The following ADAM30 variants were observed in gnomAD, a reference collection of about 807,000 sequenced individuals.
The protein encoded by ADAM30 is disintegrin and metalloproteinase domain-containing protein 30.
For synonymous variants in ADAM30, 382 were observed against 340.9 expected (o/e 1.12, Z -1.33); for missense variants, 960 against 959.4 (o/e 1.00, Z -0.01).
At position 119,895,666 on chromosome 1, in the gene ADAM30, G is replaced by C. The variant is rs201439972; in HGVS notation, c.671C>G (p.Ser224Cys). ...SRYRFVNNNL[S>C]QVIHDAILLT... ...AAGAATGGCATCATGTATGACTTGA[G>C]AAAGATTGTTGTTCACAAACCTATA... Residue 224 changes from serine to cysteine, a missense_variant, in exon 1 of 1, where the codon TCT becomes TGT. Transcript: ENST00000369400. 2.6e-4 allele frequency: 422 copies of C among 1,614,026 alleles called. No homozygotes were observed. The highest frequency in any genetic ancestry group is 3.5e-4 in the Non-Finnish European group (409 of 1,180,048).
Position 119,895,221 on chromosome 1 carries a change from A to G in ADAM30, c.1116T>C (p.Asn372=), listed in dbSNP as rs1648546425. ...IMGSGRTGFS[N]CSYISFFKHI... ...GTTTAAAAAAAGAGATATAACTGCA[A>G]TTGCTAAACCCAGTGCGTCCTGAGC... Residue 372 remains asparagine (N), a synonymous_variant, in exon 1 of 1, where the codon AAT becomes AAC. Transcript: ENST00000369400. The G allele has an allele frequency of 6.2e-7, 1 of 1,614,178 alleles. No homozygotes were observed. Among genetic ancestry groups the G allele is most frequent in the Non-Finnish European group, 8.5e-7 (1 of 1,180,018 alleles).
At position 119,896,397 on chromosome 1, in the gene ADAM30, T is replaced by A. The variant is rs1327459192; in HGVS notation, c.-61A>T. 1.0e-5 allele frequency: 15 copies of A among 1,465,170 alleles called. No homozygotes were observed. Among genetic ancestry groups the A allele is most frequent in the Non-Finnish European group, 1.4e-5 (15 of 1,108,386 alleles). 90.8% of individuals were successfully genotyped at this position (1,465,170 alleles called of 1,614,324 possible). On this transcript the variant is annotated 5_prime_UTR_variant, in exon 1 of 1. Transcript: ENST00000369400. ...GTCCCTGCAACTCTGGCCTCGCGAG[T>A]CAGATTTCTGGGGGCCGCCGCTAGA...
chr1:119,894,448 T>C lies in ADAM30; in HGVS notation c.1889A>G (p.Gln630Arg), dbSNP rs939878871. Residue 630 changes from glutamine (Q) to arginine (R), a missense_variant, in exon 1 of 1, where the codon CAG becomes CGG. Transcript: ENST00000369400. ...GCATTTCTCAGGCAAACAGTCAAAC[T>C]GCAGGACTGAGCTATTGACGCAATT... is the stretch of plus-strand genomic sequence containing the variant. ...KKNCVNSSVL[Q>R]FDCLPEKCNT... is the part of the protein sequence containing the mutation. 1.9e-6 allele frequency: 3 copies of C among 1,614,220 alleles called. No homozygotes were observed. The highest frequency in any genetic ancestry group is 2.5e-6 in the Non-Finnish European group (3 of 1,180,038).
chr1:119,894,159 G>A lies in ADAM30; in HGVS notation c.2178C>T (p.Ser726=). 1 of 1,613,140 alleles carries A rather than the reference G, an allele frequency of 6.2e-7. No individual in the cohort carries two copies. Among genetic ancestry groups the A allele is most frequent in the East Asian group, 2.2e-5 (1 of 44,880 alleles). ...ATTCTTCCTGTTCAGTTTTTGCTTT[G>A]GATAGTGGCATTTTTTCCTGTTTGG... The part of the protein sequence containing the change: ...LKPKQEKMPL[S]KAKTEQEESK... The change falls in exon 1 of 1, where the codon TCC becomes TCT. Residue 726 remains serine (S), a synonymous_variant. Transcript: ENST00000369400.
Position 119,896,082 on chromosome 1 carries a change from G to T in ADAM30, c.255C>A (p.Pro85=), listed in dbSNP as rs1648580400. The part of the protein sequence containing the change: ...LHLWPKRLLL[P]RHLRVFSFTE... Reference sequence around the variant, plus strand: ...TGAAGGAGAAAACGCGCAGATGTCGGGGCAACAGAAGTCTCTTGGGCCACA... The same window carrying T: ...TGAAGGAGAAAACGCGCAGATGTCGTGGCAACAGAAGTCTCTTGGGCCACA... Residue 85 remains proline (P), a synonymous_variant, in exon 1 of 1, where the codon CCC becomes CCA. Transcript: ENST00000369400. 1 of 1,613,940 alleles carries T rather than the reference G, an allele frequency of 6.2e-7. No individual in the cohort carries two copies. Among genetic ancestry groups the T allele is most frequent in the African/African-American group, 1.3e-5 (1 of 74,866 alleles).
chr1:119,896,471 C>G lies in ADAM30; in HGVS notation c.-135G>C. On this transcript the variant is annotated 5_prime_UTR_variant, in exon 1 of 1. Transcript: ENST00000369400. ...TCCCCTGGCAGGGTTTCCGGGGGAGCCCGTAGCCTCCCAGGGCTCGGTCTA... is the reference window on the plus strand; with the variant it reads ...TCCCCTGGCAGGGTTTCCGGGGGAGGCCGTAGCCTCCCAGGGCTCGGTCTA... 3 of 1,368,800 alleles carry G rather than the reference C, an allele frequency of 2.2e-6. No homozygotes were observed. The highest frequency in any genetic ancestry group is 2.9e-6 in the Non-Finnish European group (3 of 1,045,954). 84.8% of individuals were successfully genotyped at this position (1,368,800 alleles called of 1,614,324 possible). A position where few individuals can be genotyped will look rare whatever the true frequency, so the allele number is the denominator to read the frequency against.
At position 119,894,189 on chromosome 1, in the gene ADAM30, T is replaced by G; in HGVS notation, c.2148A>C (p.Leu716Phe). 1 of 1,613,516 alleles carries G rather than the reference T, an allele frequency of 6.2e-7. No individual in the cohort carries two copies. The highest frequency in any genetic ancestry group is 8.5e-7 in the Non-Finnish European group (1 of 1,179,926). The part of the protein sequence containing the change: ...VFFRQVIGNH[L>F]KPKQEKMPLS... The stretch of plus-strand genomic sequence containing the variant: ...GTGGCATTTTTTCCTGTTTGGGTTT[T>G]AAGTGGTTTCCTATCACTTGCCGGA... Residue 716 changes from leucine (L) to phenylalanine (F), a missense_variant, in exon 1 of 1, where the codon TTA becomes TTC. Coordinates refer to ENST00000369400, the MANE Select transcript of ADAM30 (RefSeq NM_021794.4).
At position 119,896,268 on chromosome 1, in the gene ADAM30, A is replaced by G; in HGVS notation, c.69T>C (p.Leu23=). 6.2e-7 allele frequency: 1 copy of G among 1,613,140 alleles called. No individual in the cohort carries two copies. ...AAATTACATCTTCGCCAAGAGACTT[A>G]AGGAGCATTGTCGGAACTAGTAGAA... is the stretch of plus-strand genomic sequence containing the variant. ...LLLLLVPTML[L]KSLGEDVIFH... Residue 23 remains leucine (L), a synonymous_variant, in exon 1 of 1, where the codon CTT becomes CTC. Transcript: ENST00000369400.
At position 119,896,458 on chromosome 1, in the gene ADAM30, G is replaced by A. The variant is rs1476155352; in HGVS notation, c.-122C>T. On this transcript the variant is annotated 5_prime_UTR_variant, in exon 1 of 1. Coordinates refer to ENST00000369400, the MANE Select transcript of ADAM30 (RefSeq NM_021794.4). ...CTCAAAACCCGGCTCCCCTGGCAGGGTTTCCGGGGGAGCCCGTAGCCTCCC... is the reference window on the plus strand; with the variant it reads ...CTCAAAACCCGGCTCCCCTGGCAGGATTTCCGGGGGAGCCCGTAGCCTCCC... 7.1e-7 allele frequency: 1 copy of A among 1,407,008 alleles called. No individual in the cohort carries two copies. Among genetic ancestry groups the A allele is most frequent in the Non-Finnish European group, 9.3e-7 (1 of 1,076,698 alleles). 87.2% of individuals were successfully genotyped at this position (1,407,008 alleles called of 1,614,324 possible).
In ADAM30 at chr1:119,896,182, C is replaced by G. The variant is rs761413158; in HGVS notation, c.155G>C (p.Arg52Pro). 1.2e-6 allele frequency: 2 copies of G among 1,614,162 alleles called. No individual in the cohort carries two copies. Among genetic ancestry groups the G allele is most frequent in the Non-Finnish European group, 1.7e-6 (2 of 1,180,014 alleles). Residue 52 changes from arginine to proline, a missense_variant, in exon 1 of 1, where the codon CGG becomes CCG. Coordinates refer to ENST00000369400, the MANE Select transcript of ADAM30 (RefSeq NM_021794.4). ...ACTGACCACACCCTGCACCTCTCCC[C>G]GGAAGCTCAGCTTCTCAGGAATGGT... is the stretch of plus-strand genomic sequence containing the variant. ...EVTIPEKLSF[R>P]GEVQGVVSPV...
Position 119,893,939 on chromosome 1 carries a change from T to G in ADAM30, c.*25A>C. On this transcript the variant is annotated 3_prime_UTR_variant, in exon 1 of 1. Coordinates refer to ENST00000369400, the MANE Select transcript of ADAM30 (RefSeq NM_021794.4). ...GCTGGTTAAATAAATGAGCCTGTGT[T>G]ACTGAATGAGTATGGATTGCCCGGT... is the stretch of plus-strand genomic sequence containing the variant. The G allele has an allele frequency of 6.3e-7, 1 of 1,584,106 alleles. No individual in the cohort carries two copies. The highest frequency in any genetic ancestry group is 8.5e-7 in the Non-Finnish European group (1 of 1,170,400).
Position 119,896,191 on chromosome 1 carries a change from A to T in ADAM30, c.146T>A (p.Leu49Gln). 1 of 1,614,206 alleles carries T rather than the reference A, an allele frequency of 6.2e-7. No individual in the cohort carries two copies. Among genetic ancestry groups the T allele is most frequent in the Non-Finnish European group, 8.5e-7 (1 of 1,180,034 alleles). Residue 49 changes from leucine (L) to glutamine (Q), a missense_variant, in exon 1 of 1, where the codon CTG becomes CAG. Transcript: ENST00000369400. ...ACCCTGCACCTCTCCCCGGAAGCTC[A>T]GCTTCTCAGGAATGGTGACTTCATA... Reference protein sequence around the residue: ...DSYEVTIPEKLSFRGEVQGVV... With the variant: ...DSYEVTIPEKQSFRGEVQGVV...
In ADAM30 at chr1:119,895,662, T is replaced by A; in HGVS notation, c.675A>T (p.Gln225His). 1.2e-6 allele frequency: 2 copies of A among 1,614,142 alleles called. No homozygotes were observed. The highest frequency in any genetic ancestry group is 2.2e-5 in the South Asian group (2 of 91,076). ...RYRFVNNNLS[Q>H]VIHDAILLTG... ...TCAAAAGAATGGCATCATGTATGAC[T>A]TGAGAAAGATTGTTGTTCACAAACC... Residue 225 changes from glutamine to histidine, a missense_variant, in exon 1 of 1, where the codon CAA becomes CAT. By Grantham distance (24) the Gln-to-His change is conservative (BLOSUM62 0). Transcript: ENST00000369400.
Position 119,895,840 on chromosome 1 carries a change from T to C in ADAM30, c.497A>G (p.Gln166Arg), listed in dbSNP as rs761151761. The change falls in exon 1 of 1, where the codon CAG becomes CGG. Residue 166 changes from glutamine to arginine, a missense_variant. Gln to Arg is a conservative substitution (Grantham distance 43). Transcript: ENST00000369400. The part of the protein sequence containing the change: ...EHVVYLLKKE[Q>R]FGNQVCGLSD... ...TAAGCCACAAACCTGATTCCCAAACTGCTCTTTCTTCAGGAGATAGACGAC... is the reference window on the plus strand; with the variant it reads ...TAAGCCACAAACCTGATTCCCAAACCGCTCTTTCTTCAGGAGATAGACGAC... The C allele has an allele frequency of 6.8e-6, 11 of 1,614,060 alleles. No individual in the cohort carries two copies. Among genetic ancestry groups the C allele is most frequent in the Non-Finnish European group, 9.3e-6 (11 of 1,180,030 alleles).
Position 119,895,056 on chromosome 1 carries a change from G to T in ADAM30, c.1281C>A (p.Cys427Ter), listed in dbSNP as rs1471387212. The T allele has an allele frequency of 1.2e-6, 2 of 1,613,972 alleles. No individual in the cohort carries two copies. Among genetic ancestry groups the T allele is most frequent in the Non-Finnish European group, 1.7e-6 (2 of 1,180,032 alleles). ...CTGGTTGCAACTTACAATTTGATTG[G>T]CAACACCGATCTTTCTGACACTCCT... ...STEECQKDRC[C>*]QSNCKLQPGA... Residue 427 changes from cysteine to a stop codon, truncating the protein, a stop_gained, in exon 1 of 1, where the codon TGC (cysteine) becomes TGA (stop). Coordinates refer to ENST00000369400, the MANE Select transcript of ADAM30 (RefSeq NM_021794.4). LOFTEE classifies it low-confidence loss of function (END_TRUNC).
Position 119,894,595 on chromosome 1 carries a change from G to C in ADAM30, c.1742C>G (p.Ala581Gly). 1 of 1,614,108 alleles carries C rather than the reference G, an allele frequency of 6.2e-7. No individual in the cohort carries two copies. The highest frequency in any genetic ancestry group is 8.5e-7 in the Non-Finnish European group (1 of 1,180,032). The change falls in exon 1 of 1, where the codon GCA (alanine) becomes GGA (glycine). Residue 581 changes from alanine (A) to glycine (G), a missense_variant. Transcript: ENST00000369400. ...HTTIISTHLQ[A>G]ENLMCWGTGY... ...TGTGCCCCAGCACATGAGATTTTCT[G>C]CCTGTAAATGAGTAGAAATTATAGT...
At position 119,894,547 on chromosome 1, in the gene ADAM30, G is replaced by A. The variant is rs1648520833; in HGVS notation, c.1790C>T (p.Pro597Leu). The change falls in exon 1 of 1, where the codon CCC becomes CTC. Residue 597 changes from proline to leucine, a missense_variant. Physicochemically the swap from Pro to Leu is moderately conservative, Grantham distance 98 (BLOSUM62 -3). Transcript: ENST00000369400. The stretch of plus-strand genomic sequence containing the variant: ...CATACCTAGGTCAGGTATTCCCATG[G>A]GTTTCATGGATAGATGATAGCCTGT... ...WGTGYHLSMK[P>L]MGIPDLGMIN... 3 of 1,613,836 alleles carry A rather than the reference G, an allele frequency of 1.9e-6. No homozygotes were observed. The highest frequency in any genetic ancestry group is 2.7e-5 in the African/African-American group (2 of 74,896).
At position 119,895,355 on chromosome 1, in the gene ADAM30, T is replaced by C. The variant is rs1557795127; in HGVS notation, c.982A>G (p.Asn328Asp). The C allele has an allele frequency of 1.9e-6, 3 of 1,614,198 alleles. No individual in the cohort carries two copies. Among genetic ancestry groups the C allele is most frequent in the East Asian group, 2.2e-5 (1 of 44,884 alleles). ...GACCAGGTAGCAGGGGCAAGGATATTTGTATCTAGTAAAGTACTCACTGAT... is the reference window on the plus strand; with the variant it reads ...GACCAGGTAGCAGGGGCAAGGATATCTGTATCTAGTAAAGTACTCACTGAT... ...AGSVSTLLDTNILAPATWSAH... is the reference protein window; with the variant it reads ...AGSVSTLLDTDILAPATWSAH... The change falls in exon 1 of 1, where the codon AAT becomes GAT. Residue 328 changes from asparagine to aspartate, a missense_variant. Asn to Asp is a conservative substitution (Grantham distance 23). Coordinates refer to ENST00000369400, the MANE Select transcript of ADAM30 (RefSeq NM_021794.4).
rs369903502 is a variant in ADAM30 at position 119,895,234 on chromosome 1, G to T, written c.1103C>A (p.Thr368Asn). 83 of 1,614,098 alleles carry T rather than the reference G, an allele frequency of 5.1e-5. 1 individual carries two copies. The African/African-American group carries it at 7.3e-4, about 14-fold the overall frequency. The stretch of plus-strand genomic sequence containing the variant: ...GATATAACTGCAATTGCTAAACCCA[G>T]TGCGTCCTGAGCCCATGATGCAATT... ...RLNCIMGSGR[T>N]GFSNCSYISF... Residue 368 changes from threonine to asparagine, a missense_variant, in exon 1 of 1, where the codon ACT (threonine) becomes AAT (asparagine). Physicochemically the swap from Thr to Asn is moderately conservative, Grantham distance 65. Coordinates refer to ENST00000369400, the MANE Select transcript of ADAM30 (RefSeq NM_021794.4).
Sources: gnomAD v4.1 joint callset for allele counts on GRCh38, gnomAD v4.1.1 for gene constraint, MANE v1.5 for transcripts, NCBI Gene and HGNC (gene_info 2026-07-23, HGNC 2026-07-21) for gene names.